Variants in SH3BP4 observed in about 807,000 individuals in gnomAD.
SH3BP4 encodes SH3 domain-binding protein 4.
A neutral mutation model predicts 65.5 loss-of-function variants in SH3BP4; 33 were observed. The ratio of observed to expected loss-of-function variants is 0.50; its 90% confidence interval spans 0.38 to 0.67. The LOEUF (loss-of-function observed/expected upper bound fraction) is 0.67, where lower values mean the gene tolerates loss of function less well. Among genes scored for constraint, SH3BP4 ranks in the 30% least tolerant of loss-of-function variants. The pLI is 0.00. For synonymous variants in SH3BP4, 552 were observed against 545.5 expected, an observed-to-expected ratio of 1.01 and a Z score of -0.17; for missense variants, 1,134 against 1,261.4, an observed-to-expected ratio of 0.90 and a Z score of 1.53.
chr2:235,016,507 C>A (rs1405140807), intron 2 of SH3BP4, among the ~76,000 whole-genome samples: 1 of 152,024 alleles, frequency 6.6e-6, no homozygotes, highest in Admixed American at 6.6e-5. Flanking sequence ...CCTTTCTTTT[C>A]TTTTCTTTTT....
chr2:234,960,175 T>C (rs1304738268), intron 1 of SH3BP4, among the ~76,000 whole-genome samples: 1 of 152,224 alleles, frequency 6.6e-6, no homozygotes, highest in African/African-American at 2.4e-5. Flanking sequence ...ACATAATTCA[T>C]GTAGAATGCT....
intron 2 of SH3BP4, among the ~76,000 whole-genome samples, chr2:235,000,524 G>C (rs1467985807): frequency 6.6e-6 from 1 of 152,194 alleles, no homozygotes; most frequent in Admixed American, 6.5e-5. Flanking sequence ...TCCAAGAGGG[G>C]CTTAGCCAGA....
In SH3BP4 at chr2:234,997,932, C is replaced by T. The variant is rs1347141213; in HGVS notation, c.-133+2556C>T. On this transcript the variant is annotated intron_variant, in intron 2 of 5. Coordinates refer to ENST00000392011, the MANE Select transcript of SH3BP4 (RefSeq NM_014521.3). This position sits in a 1 kb window ranked among gnomAD's most constrained non-coding sequence, Gnocchi z 4.2. ...GATCAGGAGATCAAGACCATCCTGT[C>T]TAACACGGTGAAACCCTGTCTCTAC... 6.6e-6 allele frequency among the ~76,000 whole-genome samples: 1 copy of T among 152,092 alleles called. No homozygotes were observed. Among genetic ancestry groups the T allele is most frequent in the Non-Finnish European group, 1.5e-5 (1 of 68,028 alleles).
chr2:234,984,300 C>T (rs930811708), intron 1 of SH3BP4, among the ~76,000 whole-genome samples: 3 of 152,088 alleles, frequency 2.0e-5, no homozygotes, highest in Non-Finnish European at 2.9e-5. Context: ...CCTCTGGGCT[C>T]AAGTGATCCT....
rs79977480 is a variant in SH3BP4 at position 234,978,608 on chromosome 2, G to C, written c.-206-16695G>C. The stretch of plus-strand genomic sequence containing the variant: ...TTGTCCGGGTGACATTGGCATGATT[G>C]AATCAGTGCCAGAGCCAAACAGGAT... On this transcript the variant is annotated intron_variant, in intron 1 of 5. Coordinates refer to ENST00000392011, the MANE Select transcript of SH3BP4 (RefSeq NM_014521.3). This position sits in a 1 kb window ranked among gnomAD's most constrained non-coding sequence, Gnocchi z 4.1. The C allele has an allele frequency of 0.03, 4,520 of 152,314 alleles. 106 individuals are homozygous for C. The highest frequency in any genetic ancestry group is 0.04 in the Non-Finnish European group (2,724 of 68,052). 9.4% of individuals were successfully genotyped at this position (152,314 alleles called of 1,614,324 possible).
Position 235,055,361 on chromosome 2 carries a change from G to A in SH3BP4, c.*1545G>A, listed in dbSNP as rs1004886411. 6.6e-5 allele frequency: 10 copies of A among 152,346 alleles called. No homozygotes were observed. The highest frequency in any genetic ancestry group is 2.2e-4 in the African/African-American group (9 of 41,362). 9.4% of individuals were successfully genotyped at this position (152,346 alleles called of 1,614,324 possible). The stretch of plus-strand genomic sequence containing the variant: ...ACTTATTCAGATACTGAAGACCAAC[G>A]GACTGAAAAAAAGAACAAACATTAG... On this transcript the variant is annotated 3_prime_UTR_variant, in exon 6 of 6. Transcript: ENST00000392011.
chr2:234,987,815 A>G (rs1307767926), intron 1 of SH3BP4, among the ~76,000 whole-genome samples: 1 of 152,234 alleles, frequency 6.6e-6, no homozygotes, highest in East Asian at 1.9e-4. Flanking sequence ...TAGAAGAATC[A>G]TTAAAAATAC....
chr2:235,005,621 C>T (rs1694269996), intron 2 of SH3BP4, among the ~76,000 whole-genome samples: 1 of 152,210 alleles, frequency 6.6e-6, no homozygotes, highest in Non-Finnish European at 1.5e-5. Context: ...GCCTCCGCCA[C>T]CCTGCTTAGT....
intron 2 of SH3BP4, among the ~76,000 whole-genome samples, chr2:235,028,468 C>G (rs911448437): frequency 6.6e-6 from 1 of 152,204 alleles, no homozygotes; most frequent in Non-Finnish European, 1.5e-5. Context: ...TGAGTATAAT[C>G]CTATCACATC....
intron 1 of SH3BP4, among the ~76,000 whole-genome samples, chr2:234,972,358 C>T (rs1245682012): frequency 6.6e-6 from 1 of 152,030 alleles, no homozygotes; most frequent in Non-Finnish European, 1.5e-5. Context: ...GTCTCGGACT[C>T]CTGACCTCAG....
chr2:235,005,585 G>GA lies in SH3BP4; in HGVS notation c.-133+10210dup, dbSNP rs150617513. Among the ~76,000 whole-genome samples, 1,345 of 152,264 alleles carry GA rather than the reference G, an allele frequency of 8.8e-3. 20 individuals carry two copies. Among genetic ancestry groups the GA allele is most frequent in the African/African-American group, 0.031 (1,299 of 41,554 alleles). ...TTAACAAATCTTCCCCTGACACCTT[G>GA]AGCCCCTCAGAGCTGCTGAACCCCC... On this transcript the variant is annotated intron_variant, in intron 2 of 5. Transcript: ENST00000392011.
chr2:234,956,858 C>T (rs1574769846), intron 1 of SH3BP4, among the ~76,000 whole-genome samples: 1 of 152,016 alleles, frequency 6.6e-6, no homozygotes, highest in Non-Finnish European at 1.5e-5. Context: ...GTTGCCCTGC[C>T]CTTGCCCCAT....
rs1574846729 is a variant in SH3BP4 at position 235,043,016 on chromosome 2, A to G, written c.2247A>G (p.Lys749=). Residue 749 remains lysine, a synonymous_variant, in exon 4 of 6, where the codon AAA becomes AAG. Transcript: ENST00000392011. ...TGGAGCAGATCCTGCGGCCCTGCAA[A>G]TTCCTCACGTACATCTATGCCTCCG... ...VLLEQILRPC[K]FLTYIYASVR... is the part of the protein sequence containing the mutation. The G allele has an allele frequency of 1.2e-6, 2 of 1,608,828 alleles. No individual in the cohort carries two copies. The highest frequency in any genetic ancestry group is 2.7e-5 in the African/African-American group (2 of 74,808).
chr2:235,017,887 C>T lies in SH3BP4; in HGVS notation c.-132-16984C>T, dbSNP rs62186383. ...TATTCAACCAGTTTTTTTGGTTCTT[C>T]CTGAAACGCAGCAAGACTCTTGGTG... On this transcript the variant is annotated intron_variant, in intron 2 of 5. Coordinates refer to ENST00000392011, the MANE Select transcript of SH3BP4 (RefSeq NM_014521.3). Among the ~76,000 whole-genome samples, 634 of 152,136 alleles carry T rather than the reference C, an allele frequency of 4.2e-3. 1 individual carries two copies. Among genetic ancestry groups the T allele is most frequent in the Non-Finnish European group, 5.2e-3 (353 of 67,998 alleles).
chr2:235,035,490 C>T lies in SH3BP4; in HGVS notation c.118+370C>T, dbSNP rs769879393. On this transcript the variant is annotated intron_variant, in intron 3 of 5. Coordinates refer to ENST00000392011, the MANE Select transcript of SH3BP4 (RefSeq NM_014521.3). The surrounding 1 kb of genome is among the most constrained non-coding windows in gnomAD (Gnocchi z 5.0). Reference sequence around the variant, plus strand: ...AAAGGTAGCTTCGGGGAGAGGTCAGCAAACCTTTTCTCCAAACAGTCTGAT... The same window carrying T: ...AAAGGTAGCTTCGGGGAGAGGTCAGTAAACCTTTTCTCCAAACAGTCTGAT... Among the ~76,000 whole-genome samples the T allele has an allele frequency of 1.3e-5, 2 of 152,170 alleles. No homozygotes were observed. Among genetic ancestry groups the T allele is most frequent in the African/African-American group, 2.4e-5 (1 of 41,442 alleles).
chr2:235,017,784 T>G (rs1232269801), intron 2 of SH3BP4, among the ~76,000 whole-genome samples: 4 of 152,188 alleles, frequency 2.6e-5, no homozygotes, highest in Non-Finnish European at 4.4e-5. Context: ...CTCAGGAAAT[T>G]AGAGGCAGTG....
chr2:235,034,919 A>G lies in SH3BP4; in HGVS notation c.-84A>G. 8.5e-7 allele frequency: 1 copy of G among 1,169,632 alleles called. No individual in the cohort carries two copies. Among genetic ancestry groups the G allele is most frequent in the Admixed American group, 1.8e-5 (1 of 55,092 alleles). The allele number at this position is 1,169,632 out of a possible 1,614,324, so 72.5% of individuals were successfully genotyped here. Reference sequence around the variant, plus strand: ...TGCCGCCGCGCAGCGTGTTTGCTTGAGGCAGAAGCTTCAGCATCTGCTGGG... The same window carrying G: ...TGCCGCCGCGCAGCGTGTTTGCTTGGGGCAGAAGCTTCAGCATCTGCTGGG... On this transcript the variant is annotated 5_prime_UTR_variant, in exon 3 of 6. The change abolishes the stop of an existing upstream ORF in the 5' untranslated region. Coordinates refer to ENST00000392011, the MANE Select transcript of SH3BP4 (RefSeq NM_014521.3). The surrounding 1 kb of genome is among the most constrained non-coding windows in gnomAD (Gnocchi z 6.2).
intron 2 of SH3BP4, among the ~76,000 whole-genome samples, chr2:235,000,952 C>T (rs1178757919): frequency 6.6e-6 from 1 of 152,262 alleles, no homozygotes; most frequent in South Asian, 2.1e-4. Flanking sequence ...CAGCTCTGGA[C>T]TTTGCTCTCA....
intron 1 of SH3BP4, among the ~76,000 whole-genome samples, chr2:234,960,277 C>G (rs909410445): frequency 2.0e-5 from 3 of 152,248 alleles, no homozygotes; most frequent in Admixed American, 2.0e-4. Context: ...TTCCTTACCC[C>G]TGTCCCAAAT....
Sources: gnomAD v4.1 joint callset for allele counts (sites outside exome capture counted in the v4.1 genomes callset) on GRCh38, gnomAD v4.1.1 for gene constraint, Gnocchi (gnomAD v3.1) non-coding constraint, MANE v1.5 for transcripts, NCBI Gene and HGNC (gene_info 2026-07-23, HGNC 2026-07-21) for gene names.